Variants in DLGAP1 observed in about 807,000 individuals in gnomAD.
DLGAP1 encodes the protein DLG associated protein 1.
Under a neutral mutation model 90.8 loss-of-function variants are expected in DLGAP1, and 11 were observed. The ratio of observed to expected loss-of-function variants is 0.12; its 90% CI spans 0.08 to 0.20. The LOEUF is 0.20. DLGAP1 is among the 10% of genes least tolerant of loss of function. The pLI is 1.00. For synonymous variants in DLGAP1, 558 were observed against 540.7 expected, an observed-to-expected ratio of 1.03 and a Z score of -0.44; for missense variants, 1,050 against 1,333.8, an observed-to-expected ratio of 0.79 and a Z score of 3.31.
At position 3,496,806 on chromosome 18, in the gene DLGAP1, T is replaced by C. The variant is rs1167783523; in HGVS notation, c.*2379A>G. ...CAATAATTAGCTTTTTATAAAGTGT[T>C]TGTACAATTTAAATTGTATTTTCAA... is the stretch of plus-strand genomic sequence containing the variant. On this transcript the variant is annotated 3_prime_UTR_variant, in exon 13 of 13. Coordinates refer to ENST00000315677, the MANE Select transcript of DLGAP1 (RefSeq NM_004746.4). 1 of 152,114 alleles carries C rather than the reference T, an allele frequency of 6.6e-6. No individual in the cohort carries two copies. Among genetic ancestry groups the C allele is most frequent in the Non-Finnish European group, 1.5e-5 (1 of 67,988 alleles). The allele number at this position is 152,114 out of a possible 1,614,324, so 9.4% of individuals were successfully genotyped here.
intron 7 of DLGAP1, among the ~76,000 whole-genome samples, chr18:3,627,873 TCC>T (rs1254279884): frequency 2.3e-5 from 3 of 129,376 alleles, no homozygotes; most frequent in African/African-American, 9.0e-5. Flanking sequence ...CCTCCTTCCT[TCC>T]TTTTTTTTTT....
chr18:3,845,339 A>C (rs1391376683), intron 4 of DLGAP1: 5 of 1,571,512 alleles, frequency 3.2e-6, no homozygotes, highest in East Asian at 2.3e-5. Context: ...GCTTCTCTCT[A>C]TGATTTGCCG....
intron 2 of DLGAP1, among the ~76,000 whole-genome samples, chr18:4,104,068 C>A (rs1454171707): frequency 6.6e-6 from 1 of 152,020 alleles, no homozygotes; most frequent in Non-Finnish European, 1.5e-5. Flanking sequence ...TTTTCTAATT[C>A]CAGTCTAATT....
intron 2 of DLGAP1, among the ~76,000 whole-genome samples, chr18:4,086,418 A>G (rs2075681487): frequency 6.6e-6 from 1 of 152,218 alleles, no homozygotes; most frequent in South Asian, 2.1e-4. Context: ...CTGAAAACTT[A>G]TTCAATTCAC....
At chr18:3,834,075 G>A (rs938564756) in intron 4 of DLGAP1, among the ~76,000 whole-genome samples, 2 of 152,122 alleles carry the variant, frequency 1.3e-5, no homozygotes, top group East Asian at 3.9e-4. Context: ...GGGAGGCCGA[G>A]GCGGGTGGAT....
chr18:3,963,209 ATACCC>A (rs1161447293), intron 3 of DLGAP1, among the ~76,000 whole-genome samples: 20 of 152,294 alleles, frequency 1.3e-4, no homozygotes, highest in Non-Finnish European at 2.6e-4. Context: ...TCACTTCAGA[ATACCC>A]ACTTGGAGGC....
rs375476539 is a variant in DLGAP1 at position 3,757,870 on chromosome 18, C to G, written c.1173-15358G>C. ...GTGGCTGTTGCCTGTAATCCCAGCA[C>G]TTTGGGAGGCCAAGGCGGGTGGATC... On this transcript the variant is annotated intron_variant, in intron 5 of 12. Transcript: ENST00000315677. 2.0e-5 allele frequency among the ~76,000 whole-genome samples: 3 copies of G among 152,238 alleles called. No homozygotes were observed. In the East Asian group the frequency reaches 5.8e-4, roughly 29 times the overall value.
At chr18:4,081,247 G>A (rs894090802) in intron 2 of DLGAP1, among the ~76,000 whole-genome samples, 1 of 151,584 alleles carries the variant, frequency 6.6e-6, no homozygotes, top group East Asian at 2.0e-4. Context: ...CCCAGGCGGC[G>A]GAGGTTGTGG....
chr18:3,585,814 C>CA (rs989846753), intron 7 of DLGAP1, among the ~76,000 whole-genome samples: 11 of 151,782 alleles, frequency 7.2e-5, no homozygotes, highest in African/African-American at 2.4e-4. Flanking sequence ...AGTCCCCCTC[C>CA]AAAAAAAAGC....
Position 3,499,118 on chromosome 18 carries a change from C to A in DLGAP1, c.*67G>T. The A allele has an allele frequency of 1.4e-6, 2 of 1,388,462 alleles. No homozygotes were observed. The highest frequency in any genetic ancestry group is 1.9e-6 in the Non-Finnish European group (2 of 1,056,212). The allele number at this position is 1,388,462 out of a possible 1,614,324, so 86.0% of individuals were successfully genotyped here. A position where few individuals can be genotyped will look rare whatever the true frequency, so the allele number is the denominator to read the frequency against. ...GACGGGCTCGGAGGGGGAGAGGCAGCCGGCAGAGGAGCGGCCGGGGGAGGA... is the reference window on the plus strand; with the variant it reads ...GACGGGCTCGGAGGGGGAGAGGCAGACGGCAGAGGAGCGGCCGGGGGAGGA... On this transcript the variant is annotated 3_prime_UTR_variant, in exon 13 of 13. Coordinates refer to ENST00000315677, the MANE Select transcript of DLGAP1 (RefSeq NM_004746.4). This position sits in a 1 kb window ranked among gnomAD's most constrained non-coding sequence, Gnocchi z 6.4.
chr18:3,713,736 G>A (rs1689205160), intron 7 of DLGAP1, among the ~76,000 whole-genome samples: 1 of 151,732 alleles, frequency 6.6e-6, no homozygotes. Context: ...TGACACTTGT[G>A]TGATAGAAAG....
chr18:3,963,482 T>G (rs1017810353), intron 3 of DLGAP1, among the ~76,000 whole-genome samples: 1 of 152,034 alleles, frequency 6.6e-6, no homozygotes, highest in Non-Finnish European at 1.5e-5. Context: ...TTGCCCCAGG[T>G]CCCTTTCTTG....
At chr18:3,782,304 T>G (rs2065237343) in intron 5 of DLGAP1, among the ~76,000 whole-genome samples, 1 of 152,058 alleles carries the variant, frequency 6.6e-6, no homozygotes, top group African/African-American at 2.4e-5. Context: ...GCCTGGCTAA[T>G]TTTTGTATTT....
intron 1 of DLGAP1, among the ~76,000 whole-genome samples, chr18:4,223,796 C>T (rs141868388): frequency 6.9e-4 from 105 of 152,206 alleles, no homozygotes; most frequent in African/African-American, 2.5e-3. Context: ...ATCACCCTTC[C>T]CAGTCTATAC....
In DLGAP1 at chr18:3,574,396, G is replaced by A. The variant is rs59206580; in HGVS notation, c.1966-6815C>T. On this transcript the variant is annotated intron_variant, in intron 8 of 12. Coordinates refer to ENST00000315677, the MANE Select transcript of DLGAP1 (RefSeq NM_004746.4). The stretch of plus-strand genomic sequence containing the variant: ...ATAACTATGGCCACAGCCCATAGTG[G>A]TGATTTATAGGATTCCTGCTGTCAT... Among the ~76,000 whole-genome samples the A allele has an allele frequency of 5.1e-3, 782 of 152,294 alleles. 4 individuals are homozygous for A. The highest frequency in any genetic ancestry group is 0.018 in the African/African-American group (729 of 41,568).
At chr18:3,712,419 G>C (rs372623890) in intron 7 of DLGAP1, among the ~76,000 whole-genome samples, 10 of 152,152 alleles carry the variant, frequency 6.6e-5, no homozygotes, top group East Asian at 1.9e-4. Context: ...GATACCCAGG[G>C]TTTCCCACTG....
chr18:3,898,036 C>CA (rs558884731), intron 3 of DLGAP1, among the ~76,000 whole-genome samples: 2,020 of 151,996 alleles, frequency 0.013, 25 homozygotes, highest in South Asian at 0.049. Context: ...CCTCGTGATC[C>CA]GCCCGCCTTG....
intron 1 of DLGAP1, among the ~76,000 whole-genome samples, chr18:4,411,165 T>G (rs1032583874): frequency 1.3e-5 from 2 of 151,756 alleles, no homozygotes; most frequent in Non-Finnish European, 2.9e-5. Context: ...CTCCAACAAA[T>G]TTTTTTTTCA....
intron 1 of DLGAP1, among the ~76,000 whole-genome samples, chr18:4,333,623 A>AT (rs373517542): frequency 0.09 from 12,733 of 141,030 alleles, 757 homozygotes; most frequent in African/African-American, 0.13. Flanking sequence ...TATATATATA[A>AT]TTTTTTTTTT....
Sources: gnomAD v4.1 joint callset for allele counts (sites outside exome capture counted in the v4.1 genomes callset) on GRCh38, gnomAD v4.1.1 for gene constraint, Gnocchi (gnomAD v3.1) non-coding constraint, MANE v1.5 for transcripts, NCBI Gene and HGNC (gene_info 2026-07-23, HGNC 2026-07-21) for gene names.